The following TNFRSF1B variants were observed in gnomAD, a reference collection of about 807,000 sequenced individuals.
TNFRSF1B encodes the protein TNF receptor superfamily member 1B, also known as tumor necrosis factor receptor superfamily member 1B.
A neutral mutation model predicts 44.6 loss-of-function variants in TNFRSF1B; 19 were observed. That is an observed-to-expected ratio of 0.43 (90% CI 0.30 to 0.62). TNFRSF1B has a LOEUF of 0.62. Among genes scored for constraint, TNFRSF1B ranks in the 20% least tolerant of loss-of-function variants. The probability of loss-of-function intolerance (pLI) is 0.16; values close to 1 mark genes in which losing one functional copy is unlikely to be tolerated. For missense variants in TNFRSF1B, 541 were observed against 619.9 expected (o/e 0.87, Z 1.35); for synonymous variants, 252 against 261.1 (o/e 0.97, Z 0.34).
rs1638456762 is a variant in TNFRSF1B at position 12,168,819 on chromosome 1, T to G, written c.78+1650T>G. On this transcript the variant is annotated intron_variant, in intron 1 of 9. Coordinates refer to ENST00000376259, the MANE Select transcript of TNFRSF1B (RefSeq NM_001066.3). The surrounding 1 kb of genome is among the most constrained non-coding windows in gnomAD (Gnocchi z 4.7). ...CCGGCCCTGCCCCCTCTCCCGCTGA[T>G]CCTTGGCAGAGAGACCCTTCTCAAG... 6.6e-6 allele frequency among the ~76,000 whole-genome samples: 1 copy of G among 152,078 alleles called. No homozygotes were observed. The highest frequency in any genetic ancestry group is 1.5e-5 in the Non-Finnish European group (1 of 67,984).
At chr1:12,206,636 C>A in intron 9 of TNFRSF1B, 104 bp from the exon 10 acceptor site, 1 of 1,302,244 alleles carries the variant, frequency 7.7e-7, no homozygotes, top group Non-Finnish European at 1.0e-6. Context: ...GGCTCCTGGC[C>A]CAGTGCTCTT....
intron 6 of TNFRSF1B, 170 bp downstream of exon 6, chr1:12,193,268 C>G (rs1480558945): frequency 2.8e-6 from 2 of 718,798 alleles, no homozygotes; most frequent in Non-Finnish European, 5.0e-6. Context: ...CTGGTGCTAT[C>G]ATTCAAAATC....
In TNFRSF1B at chr1:12,186,040, C is replaced by T. The variant is rs951869711; in HGVS notation, c.79-2756C>T. ...GACACGTGGAATTTGTTACAGGAAG[C>T]ACCAGGCCATTCCAGGCATAGAAAT... On this transcript the variant is annotated intron_variant, in intron 1 of 9. Coordinates refer to ENST00000376259, the MANE Select transcript of TNFRSF1B (RefSeq NM_001066.3). This position sits in a 1 kb window ranked among gnomAD's most constrained non-coding sequence, Gnocchi z 4.8. Among the ~76,000 whole-genome samples, 2 of 152,182 alleles carry T rather than the reference C, an allele frequency of 1.3e-5. No individual in the cohort carries two copies. Among genetic ancestry groups the T allele is most frequent in the African/African-American group, 2.4e-5 (1 of 41,446 alleles).
At chr1:12,203,757 G>A (rs906998846) in intron 9 of TNFRSF1B, among the ~76,000 whole-genome samples, 1 of 151,982 alleles carries the variant, frequency 6.6e-6, no homozygotes, top group Non-Finnish European at 1.5e-5. Flanking sequence ...CTCGCTCGTC[G>A]CCTAGGCTGG....
chr1:12,167,273 C>G, intron 1 of TNFRSF1B, 104 bp downstream of exon 1: 6 of 925,238 alleles, frequency 6.5e-6, no homozygotes, highest in Non-Finnish European at 8.5e-6. Flanking sequence ...GGCGCTGTCA[C>G]GGGCTGGGAG....
intron 1 of TNFRSF1B, among the ~76,000 whole-genome samples, chr1:12,184,659 C>T (rs1036934060): frequency 5.3e-5 from 8 of 152,206 alleles, no homozygotes; most frequent in Non-Finnish European, 8.8e-5. Flanking sequence ...TCCATTGCGG[C>T]TCTTGAGAGC....
At position 12,180,648 on chromosome 1, in the gene TNFRSF1B, C is replaced by T. The variant is rs532053600; in HGVS notation, c.79-8148C>T. On this transcript the variant is annotated intron_variant, in intron 1 of 9. Coordinates refer to ENST00000376259, the MANE Select transcript of TNFRSF1B (RefSeq NM_001066.3). The surrounding 1 kb of genome is among the most constrained non-coding windows in gnomAD (Gnocchi z 4.3). The stretch of plus-strand genomic sequence containing the variant: ...ATCTTATACCTGCAGCCCTGTCCAC[C>T]AGCTGTGCTTCCTGAGTCCTCCAGG... 2.9e-4 allele frequency among the ~76,000 whole-genome samples: 44 copies of T among 152,368 alleles called. No individual in the cohort carries two copies. The highest frequency in any genetic ancestry group is 1.8e-3 in the Admixed American group (27 of 15,308).
chr1:12,198,933 G>C (rs1408903316), intron 8 of TNFRSF1B, among the ~76,000 whole-genome samples: 3 of 151,892 alleles, frequency 2.0e-5, no homozygotes, highest in Non-Finnish European at 4.4e-5. Context: ...CTCGTGATTC[G>C]GTGACCACCT....
In TNFRSF1B at chr1:12,194,038, A is replaced by T. The variant is rs1639212146; in HGVS notation, c.865+6A>T. ...CATCATGACCCAGGTGAAAAGTAAG[A>T]GTCCATCCTTCCTTCCTTCATCCAC... On this transcript the variant is annotated splice_donor_region_variant and intron_variant, in intron 7 of 9. Transcript: ENST00000376259. The T allele has an allele frequency of 6.2e-7, 1 of 1,612,646 alleles. No individual in the cohort carries two copies. Among genetic ancestry groups the T allele is most frequent in the Admixed American group, 1.7e-5 (1 of 59,988 alleles).
At position 12,207,605 on chromosome 1, in the gene TNFRSF1B, G is replaced by A. The variant is rs957114206; in HGVS notation, c.*585G>A. 1 of 152,950 alleles carries A rather than the reference G, an allele frequency of 6.5e-6. No individual in the cohort carries two copies. The highest frequency in any genetic ancestry group is 1.5e-5 in the Non-Finnish European group (1 of 68,674). 9.5% of individuals were successfully genotyped at this position (152,950 alleles called of 1,614,324 possible). A position where few individuals can be genotyped will look rare whatever the true frequency, so the allele number is the denominator to read the frequency against. ...AACGGGGTCCTTCAAGTTAGCTCAGGAGGCTTGGAAAGCATCACCTCAGGC... is the reference window on the plus strand; with the variant it reads ...AACGGGGTCCTTCAAGTTAGCTCAGAAGGCTTGGAAAGCATCACCTCAGGC... On this transcript the variant is annotated 3_prime_UTR_variant, in exon 10 of 10. Coordinates refer to ENST00000376259, the MANE Select transcript of TNFRSF1B (RefSeq NM_001066.3).
In TNFRSF1B at chr1:12,186,700, A is replaced by T. The variant is rs969412090; in HGVS notation, c.79-2096A>T. Among the ~76,000 whole-genome samples, 2 of 152,236 alleles carry T rather than the reference A, an allele frequency of 1.3e-5. No homozygotes were observed. Among genetic ancestry groups the T allele is most frequent in the African/African-American group, 4.8e-5 (2 of 41,462 alleles). ...TATGGATCTCGATCTTGTACTGGCCACATGACTGCAGCTGGCAGTACAGTG... is the reference window on the plus strand; with the variant it reads ...TATGGATCTCGATCTTGTACTGGCCTCATGACTGCAGCTGGCAGTACAGTG... On this transcript the variant is annotated intron_variant, in intron 1 of 9. Coordinates refer to ENST00000376259, the MANE Select transcript of TNFRSF1B (RefSeq NM_001066.3). This position sits in a 1 kb window ranked among gnomAD's most constrained non-coding sequence, Gnocchi z 4.8.
At chr1:12,188,650 C>T in intron 1 of TNFRSF1B, 146 bp from the exon 2 acceptor site, 1 of 701,222 alleles carries the variant, frequency 1.4e-6, no homozygotes, top group Non-Finnish European at 2.4e-6. Flanking sequence ...CTGTACCCTG[C>T]TCCAGGGGGA....
chr1:12,191,111 G>A, intron 3 of TNFRSF1B, 26 bp downstream of exon 3: 1 of 1,608,456 alleles, frequency 6.2e-7, no homozygotes, highest in Non-Finnish European at 8.5e-7. Flanking sequence ...GAAAAAGGGG[G>A]CCCTTACACC....
intron 1 of TNFRSF1B, among the ~76,000 whole-genome samples, chr1:12,174,148 T>C (rs558990744): frequency 5.4e-4 from 44 of 81,900 alleles, no homozygotes; most frequent in Admixed American, 1.9e-3. Flanking sequence ...TTCTTCTTCT[T>C]CTTCTTCTTC....
intron 1 of TNFRSF1B, among the ~76,000 whole-genome samples, chr1:12,175,670 C>A (rs1431169106): frequency 6.6e-6 from 1 of 152,172 alleles, no homozygotes; most frequent in East Asian, 1.9e-4. Flanking sequence ...CCCCCAGCTC[C>A]CTCAAGCCCC....
At chr1:12,181,096 C>A (rs1638792814) in intron 1 of TNFRSF1B, among the ~76,000 whole-genome samples, 1 of 152,144 alleles carries the variant, frequency 6.6e-6, no homozygotes, top group Non-Finnish European at 1.5e-5. Context: ...GGGCCTGGTG[C>A]CAGCCTGGGG....
intron 3 of TNFRSF1B, among the ~76,000 whole-genome samples, chr1:12,191,355 G>A (rs190923028): frequency 7.3e-4 from 111 of 152,376 alleles, no homozygotes; most frequent in Non-Finnish European, 1.1e-3. Context: ...GCATGCTCGT[G>A]CTGCGAGGAG....
intron 1 of TNFRSF1B, among the ~76,000 whole-genome samples, chr1:12,183,743 A>AT (rs879512235): frequency 0.051 from 6,443 of 125,304 alleles, 275 homozygotes; most frequent in Middle Eastern, 0.086. Context: ...CTATCTATCT[A>AT]TCTATCTAGC....
At chr1:12,174,927 C>T (rs897752613) in intron 1 of TNFRSF1B, among the ~76,000 whole-genome samples, 1 of 152,220 alleles carries the variant, frequency 6.6e-6, no homozygotes, top group Non-Finnish European at 1.5e-5. Context: ...GGAGACAGCG[C>T]AGAAATCACC....
Sources: gnomAD v4.1 joint callset for allele counts (sites outside exome capture counted in the v4.1 genomes callset) on GRCh38, gnomAD v4.1.1 for gene constraint, Gnocchi (gnomAD v3.1) non-coding constraint, MANE v1.5 for transcripts, NCBI Gene and HGNC (gene_info 2026-07-23, HGNC 2026-07-21) for gene names.